PATJ: variants seen among roughly 807,000 people sequenced by gnomAD.
The protein encoded by PATJ is inaD-like protein.
A neutral mutation model predicts 224.9 loss-of-function variants in PATJ; 190 were observed. The ratio of observed to expected loss-of-function variants is 0.84; its 90% CI spans 0.75 to 0.95. The LOEUF is 0.95. PATJ is among the 40% of genes least tolerant of loss of function. The probability of loss-of-function intolerance (pLI) is 0.00; values close to 1 mark genes in which losing one functional copy is unlikely to be tolerated. For synonymous variants in PATJ, 769 were observed against 820.3 expected (o/e 0.94, Z 1.07); for missense variants, 2,121 against 2,270.3 (o/e 0.93, Z 1.34).
chr1:61,871,495 A>G lies in PATJ; in HGVS notation c.2836-3748A>G, dbSNP rs796855467. 3.6e-3 allele frequency among the ~76,000 whole-genome samples: 168 copies of G among 46,226 alleles called. 1 individual carries two copies. The highest frequency in any genetic ancestry group is 9.9e-3 in the African/African-American group (157 of 15,888). The allele number at this position is 46,226 out of a possible 152,430, so 30.3% of individuals were successfully genotyped here. A position where few individuals can be genotyped will look rare whatever the true frequency, so the allele number is the denominator to read the frequency against. ...TATACATATATATGTGTATATATGTATATATACATATATACGCATATATAT... is the reference window on the plus strand; with the variant it reads ...TATACATATATATGTGTATATATGTGTATATACATATATACGCATATATAT... On this transcript the variant is annotated intron_variant, in intron 20 of 43. Coordinates refer to ENST00000642238, the MANE Select transcript of PATJ (RefSeq NM_001350145.3).
intron 28 of PATJ, among the ~76,000 whole-genome samples, chr1:62,008,492 C>T (rs893944575): frequency 3.9e-5 from 6 of 152,186 alleles, no homozygotes; most frequent in African/African-American, 1.4e-4. Flanking sequence ...CACAGTGGCT[C>T]ATGCCTGTGA....
rs576363432 is a variant in PATJ, at chr1:61,902,960, G to A, written c.3381+1501G>A. Among the ~76,000 whole-genome samples, 8 of 152,258 alleles carry A rather than the reference G, an allele frequency of 5.3e-5. No homozygotes were observed. In the East Asian group the frequency reaches 1.4e-3, roughly 26 times the overall value. ...TGCAAAAGCTCCGAGGTAGGAGCTT[G>A]CCTGGATGTGTTCAAGGAGCAGCAG... On this transcript the variant is annotated intron_variant, in intron 24 of 43. Transcript: ENST00000642238.
chr1:62,147,205 T>A (rs1668125505), intron 41 of PATJ, among the ~76,000 whole-genome samples: 1 of 151,926 alleles, frequency 6.6e-6, no homozygotes, highest in Non-Finnish European at 1.5e-5. Flanking sequence ...TGGGAGACAA[T>A]GGGATGGGAT....
At chr1:61,887,412 T>C (rs1669043260) in intron 22 of PATJ, among the ~76,000 whole-genome samples, 1 of 152,200 alleles carries the variant, frequency 6.6e-6, no homozygotes, top group African/African-American at 2.4e-5. Flanking sequence ...TATTTACTAC[T>C]AAGAGTGATG....
intron 17 of PATJ, among the ~76,000 whole-genome samples, chr1:61,855,079 G>A (rs916470042): frequency 6.6e-6 from 1 of 152,162 alleles, no homozygotes; most frequent in Non-Finnish European, 1.5e-5. Flanking sequence ...GGTTTTATAG[G>A]AGGATTCTGT....
intron 14 of PATJ, among the ~76,000 whole-genome samples, chr1:61,813,483 C>T (rs78301892): frequency 6.6e-6 from 1 of 150,468 alleles, no homozygotes; most frequent in African/African-American, 2.5e-5. Flanking sequence ...TCAGAACCAC[C>T]TTATAAAAAC....
intron 6 of PATJ, 98 bp downstream of exon 6, chr1:61,771,724 C>CTTT: frequency 1.5e-5 from 11 of 737,620 alleles, no homozygotes; most frequent in South Asian, 2.8e-5. Context: ...CCTTTCTTTC[C>CTTT]TTTTTTTTTT....
At chr1:62,108,341 T>C (rs1663362607) in intron 33 of PATJ, 96 bp from the exon 34 acceptor site, 6 of 578,098 alleles carry the variant, frequency 1.0e-5, no homozygotes, top group Non-Finnish European at 1.8e-5. Context: ...TATAACATTA[T>C]TAACAAATAG....
At chr1:62,107,236 A>G (rs1185919454) in intron 33 of PATJ, among the ~76,000 whole-genome samples, 2 of 151,394 alleles carry the variant, frequency 1.3e-5, no homozygotes, top group African/African-American at 2.4e-5. Context: ...AACCCAGGAG[A>G]CGGAGCTTGC....
chr1:61,753,569 G>C (rs1448799555), intron 1 of PATJ, among the ~76,000 whole-genome samples: 1 of 151,514 alleles, frequency 6.6e-6, no homozygotes, highest in East Asian at 1.9e-4. Context: ...GAGTGCAGTG[G>C]CACGATCTTG....
rs570140059 is a variant in PATJ, at chr1:61,822,442, A to G, written c.1684-503A>G. On this transcript the variant is annotated intron_variant, in intron 14 of 43. Transcript: ENST00000642238. Reference sequence around the variant, plus strand: ...GAGACTGTGTCAGAAAAAAAAAAAAAAAAAGAAAAGAAAAGAAATTCTAAG... The same window carrying G: ...GAGACTGTGTCAGAAAAAAAAAAAAGAAAAGAAAAGAAAAGAAATTCTAAG... Among the ~76,000 whole-genome samples the G allele has an allele frequency of 3.2e-4, 49 of 151,598 alleles. No individual in the cohort carries two copies. In the South Asian group the frequency reaches 4.0e-3, roughly 12 times the overall value.
chr1:61,859,391 G>T (rs1365978084), intron 18 of PATJ, among the ~76,000 whole-genome samples: 1 of 152,120 alleles, frequency 6.6e-6, no homozygotes, highest in Non-Finnish European at 1.5e-5. Context: ...TGAAGGGATT[G>T]AGAGAAAGGT....
At position 62,161,278 on chromosome 1, in the gene PATJ, C is replaced by A; in HGVS notation, c.*224C>A. ...TGTCACCTGTTGGCGAGGTTGATTT[C>A]TAAAACTTAAATGAGTCTACCTGTT... On this transcript the variant is annotated 3_prime_UTR_variant, in exon 44 of 44. Transcript: ENST00000642238. 3.5e-6 allele frequency: 1 copy of A among 283,564 alleles called. No homozygotes were observed. The allele number at this position is 283,564 out of a possible 1,614,324, so 17.6% of individuals were successfully genotyped here.
At chr1:62,062,283 A>T (rs1655604037) in intron 31 of PATJ, among the ~76,000 whole-genome samples, 1 of 149,090 alleles carries the variant, frequency 6.7e-6, no homozygotes. Flanking sequence ...AATAGCAGCC[A>T]TTTAGACTGG....
intron 24 of PATJ, among the ~76,000 whole-genome samples, chr1:61,907,744 T>A (rs1195461918): frequency 6.6e-6 from 1 of 152,210 alleles, no homozygotes; most frequent in Non-Finnish European, 1.5e-5. Context: ...CTGTTAAACA[T>A]GTTTTGGAAA....
At chr1:61,828,150 G>A (rs567954513) in intron 16 of PATJ, among the ~76,000 whole-genome samples, 1 of 151,942 alleles carries the variant, frequency 6.6e-6, no homozygotes, top group East Asian at 2.0e-4. Context: ...GGCTGAGGCA[G>A]GAAAATCACT....
Position 62,079,582 on chromosome 1 carries a change from C to T in PATJ, c.4243+15C>T. 1.3e-6 allele frequency: 2 copies of T among 1,496,346 alleles called. No individual in the cohort carries two copies. The highest frequency in any genetic ancestry group is 1.1e-5 in the South Asian group (1 of 87,540). The allele number at this position is 1,496,346 out of a possible 1,614,324, so 92.7% of individuals were successfully genotyped here. ...CACAGGCTATGGTATGATTCTTTCT[C>T]TCAGCAGATCTGGCTCATTAAGCCT... On this transcript the variant is annotated intron_variant, in intron 32 of 43. Coordinates refer to ENST00000642238, the MANE Select transcript of PATJ (RefSeq NM_001350145.3).
rs180695230 is a variant in PATJ, at chr1:61,879,987, C to T, written c.2960-4250C>T. Among the ~76,000 whole-genome samples, 240 of 152,078 alleles carry T rather than the reference C, an allele frequency of 1.6e-3. 1 individual carries two copies. The highest frequency in any genetic ancestry group is 4.9e-3 in the African/African-American group (202 of 41,488). On this transcript the variant is annotated intron_variant, in intron 21 of 43. Transcript: ENST00000642238. ...CTGAGTAGCTGGGATTACAGGCACA[C>T]GCCACCACACCTGGCTAATTTTGTA... is the stretch of plus-strand genomic sequence containing the variant.
intron 30 of PATJ, among the ~76,000 whole-genome samples, chr1:62,044,086 G>A (rs1240455881): frequency 6.6e-6 from 1 of 152,156 alleles, no homozygotes; most frequent in Non-Finnish European, 1.5e-5. Flanking sequence ...ATTAACATAT[G>A]TATTTCTTCC....
Sources: gnomAD v4.1 joint callset for allele counts (sites outside exome capture counted in the v4.1 genomes callset) on GRCh38, gnomAD v4.1.1 for gene constraint, MANE v1.5 for transcripts, NCBI Gene and HGNC (gene_info 2026-07-23, HGNC 2026-07-21) for gene names.